The following EZH1 variants were observed in gnomAD, a reference collection of about 807,000 sequenced individuals.
The protein encoded by EZH1 is histone-lysine N-methyltransferase EZH1.
A neutral mutation model predicts 100.5 loss-of-function variants in EZH1; 33 were observed. The observed-to-expected ratio is 0.33, with a 90% CI of 0.25 to 0.44. EZH1 has a LOEUF of 0.44. Among genes scored for constraint, EZH1 ranks in the 20% least tolerant of loss-of-function variants. The pLI is 1.00. For missense variants in EZH1, 475 were observed against 928.4 expected (o/e 0.51, Z 6.35); for synonymous variants, 272 against 313.8 (o/e 0.87, Z 1.41).
chr17:42,720,456 C>T lies in EZH1; in HGVS notation c.488-7G>A. On this transcript the variant is annotated splice_region_variant and splice_polypyrimidine_tract_variant and intron_variant, in intron 6 of 20. Transcript: ENST00000428826. ...ACGGATCCAGGGATCATCTCTGAAA[C>T]ATGAGGATTCGAAAGATGAGCAGTG... The T allele has an allele frequency of 6.2e-7, 1 of 1,601,398 alleles. No individual in the cohort carries two copies. Among genetic ancestry groups the T allele is most frequent in the Non-Finnish European group, 8.5e-7 (1 of 1,174,838 alleles).
chr17:42,702,764 C>T (rs1362787598), intron 20 of EZH1, 113 bp downstream of exon 20: 68 of 1,307,500 alleles, frequency 5.2e-5, no homozygotes, highest in Non-Finnish European at 7.2e-5. Flanking sequence ...CCTTATTCAC[C>T]GGGAGACTCT....
chr17:42,723,831 C>T (rs1235913446), intron 5 of EZH1, among the ~76,000 whole-genome samples: 1 of 152,080 alleles, frequency 6.6e-6, no homozygotes, highest in Non-Finnish European at 1.5e-5. Flanking sequence ...TTATCAAAAC[C>T]ACAAATAATC....
chr17:42,733,970 AC>A (rs1248769205), intron 1 of EZH1, among the ~76,000 whole-genome samples: 1 of 150,116 alleles, frequency 6.7e-6, no homozygotes, highest in Non-Finnish European at 1.5e-5. Context: ...AATCATCAGC[AC>A]GGACAAGAAA....
intron 12 of EZH1, among the ~76,000 whole-genome samples, chr17:42,711,413 C>A (rs2053479258): frequency 6.6e-6 from 1 of 152,118 alleles, no homozygotes; most frequent in Non-Finnish European, 1.5e-5. Flanking sequence ...GCGGAGGCTG[C>A]AGTGAGCTGA....
At chr17:42,714,839 T>A (rs2053559860) in intron 10 of EZH1, among the ~76,000 whole-genome samples, 1 of 145,314 alleles carries the variant, frequency 6.9e-6, no homozygotes, top group Non-Finnish European at 1.5e-5. Flanking sequence ...TATACTATTT[T>A]AAACATTTAT....
At chr17:42,731,463 G>T (rs1300332984) in intron 1 of EZH1, among the ~76,000 whole-genome samples, 1 of 151,958 alleles carries the variant, frequency 6.6e-6, no homozygotes, top group Non-Finnish European at 1.5e-5. Flanking sequence ...TAACAGGCCT[G>T]CCAATTATTT....
intron 12 of EZH1, among the ~76,000 whole-genome samples, chr17:42,711,645 CA>C (rs34631785): frequency 0.034 from 4,719 of 139,346 alleles, 245 homozygotes; most frequent in African/African-American, 0.11. Flanking sequence ...GATTCTGTCT[CA>C]AAAAAAAAAA....
At chr17:42,708,200 C>T in intron 14 of EZH1, 117 bp from the exon 15 acceptor site, 1 of 1,236,610 alleles carries the variant, frequency 8.1e-7, no homozygotes, top group Non-Finnish European at 1.1e-6. Flanking sequence ...TCCTTGGACA[C>T]ACATTTAGCA....
chr17:42,713,224 C>T lies in EZH1; in HGVS notation c.1189G>A (p.Ala397Thr). 1 of 1,612,982 alleles carries T rather than the reference C, an allele frequency of 6.2e-7. No individual in the cohort carries two copies. Among genetic ancestry groups the T allele is most frequent in the Non-Finnish European group, 8.5e-7 (1 of 1,179,626 alleles). ...TTCATCGTACCTGAAGAACTGGAGGCCCAGTCATTGCCTGTGTCCCTGTCA... is the reference window on the plus strand; with the variant it reads ...TTCATCGTACCTGAAGAACTGGAGGTCCAGTCATTGCCTGTGTCCCTGTCA... ...DSDRDTGNDW[A>T]SSSSEANSRC... Residue 397 changes from alanine (A) to threonine (T), a missense_variant, in exon 11 of 21, where the codon GCC becomes ACC. By Grantham distance (58) the Ala-to-Thr change is moderately conservative. This residue lies in a region of EZH1 where 180 missense variants were observed against 295.3 expected (regional missense o/e 0.61). Coordinates refer to ENST00000428826, the MANE Select transcript of EZH1 (RefSeq NM_001991.5).
In EZH1 at chr17:42,732,629, G is replaced by A. The variant is rs866686944; in HGVS notation, c.-102-1711C>T. Among the ~76,000 whole-genome samples, 2 of 152,224 alleles carry A rather than the reference G, an allele frequency of 1.3e-5. 1 individual carries two copies. The highest frequency in any genetic ancestry group is 6.8e-3 in the Middle Eastern group (2 of 294). On this transcript the variant is annotated intron_variant, in intron 1 of 20. Coordinates refer to ENST00000428826, the MANE Select transcript of EZH1 (RefSeq NM_001991.5). Reference sequence around the variant, plus strand: ...TAAAAATACAAAAAATTAGCCTGGCGAGGTGGCGGGCGCCTGTAGTCCCAG... The same window carrying A: ...TAAAAATACAAAAAATTAGCCTGGCAAGGTGGCGGGCGCCTGTAGTCCCAG...
At chr17:42,738,863 G>A (rs868860453) in intron 1 of EZH1, among the ~76,000 whole-genome samples, 1 of 150,358 alleles carries the variant, frequency 6.7e-6, no homozygotes, top group Non-Finnish European at 1.5e-5. Flanking sequence ...GGGTTCAAGC[G>A]ATTCTCTTGC....
At chr17:42,721,326 C>T (rs1044504902) in intron 6 of EZH1, among the ~76,000 whole-genome samples, 3 of 152,166 alleles carry the variant, frequency 2.0e-5, no homozygotes, top group East Asian at 3.8e-4. Flanking sequence ...TTCTTACACA[C>T]GGACAGACTT....
chr17:42,720,140 G>C (rs546122619), intron 7 of EZH1, 133 bp downstream of exon 7: 1 of 831,142 alleles, frequency 1.2e-6, no homozygotes, highest in Non-Finnish European at 1.8e-6. Flanking sequence ...ATCACTTAAT[G>C]ATCATGTTCT....
At chr17:42,713,037 CAAAAA>C (rs10664421) in intron 11 of EZH1, among the ~76,000 whole-genome samples, 167 bp downstream of exon 11, 16 of 83,986 alleles carry the variant, frequency 1.9e-4, no homozygotes, top group East Asian at 3.5e-4. Context: ...GAGACTGTTT[CAAAAA>C]AAAAAAAAAA....
intron 1 of EZH1, among the ~76,000 whole-genome samples, chr17:42,744,508 C>T (rs928725746): frequency 2.0e-5 from 3 of 152,056 alleles, no homozygotes; most frequent in Non-Finnish European, 2.9e-5. Context: ...GCCTTGGGAG[C>T]CTTACTCACC....
chr17:42,729,500 G>A (rs1457534650), intron 2 of EZH1, among the ~76,000 whole-genome samples: 4 of 151,902 alleles, frequency 2.6e-5, no homozygotes, highest in Non-Finnish European at 4.4e-5. Flanking sequence ...AGGCCAAGGT[G>A]GGTGGATCTT....
chr17:42,718,412 T>A lies in EZH1; in HGVS notation c.931+42A>T. On this transcript the variant is annotated intron_variant, in intron 9 of 20. Coordinates refer to ENST00000428826, the MANE Select transcript of EZH1 (RefSeq NM_001991.5). This position sits in a 1 kb window ranked among gnomAD's most constrained non-coding sequence, Gnocchi z 4.2. ...AAGAGAAGGAAATGGTGGCTGGGGA[T>A]GGAAGAGAGGAGAGCATTTCAAACA... 1 of 1,605,198 alleles carries A rather than the reference T, an allele frequency of 6.2e-7. No individual in the cohort carries two copies. The highest frequency in any genetic ancestry group is 8.5e-7 in the Non-Finnish European group (1 of 1,174,646).
chr17:42,730,947 T>C, intron 1 of EZH1, 29 bp from the exon 2 acceptor site: 1 of 970,448 alleles, frequency 1.0e-6, no homozygotes, highest in Non-Finnish European at 1.2e-6. Flanking sequence ...ACAGTGGTTC[T>C]ATTAAGTTAG....
chr17:42,724,522 T>C (rs2053779223), intron 4 of EZH1, 98 bp from the exon 5 acceptor site: 2 of 1,442,786 alleles, frequency 1.4e-6, no homozygotes, highest in Admixed American at 1.8e-5. Flanking sequence ...TAGTGGCTCA[T>C]GCCAGTAATC....
Sources: gnomAD v4.1 joint callset for allele counts (sites outside exome capture counted in the v4.1 genomes callset) on GRCh38, gnomAD v4.1.1 for gene constraint, gnomAD v4.1.1 regional missense constraint, Gnocchi (gnomAD v3.1) non-coding constraint, MANE v1.5 for transcripts, NCBI Gene and HGNC (gene_info 2026-07-23, HGNC 2026-07-21) for gene names.